HPSE2: variants seen among roughly 807,000 people sequenced by gnomAD.
HPSE2 encodes heparanase 2 (inactive), also known as inactive heparanase-2.
Under a neutral mutation model 60.5 loss-of-function variants are expected in HPSE2, and 38 were observed. The observed-to-expected ratio is 0.63, with a 90% CI of 0.48 to 0.82. The LOEUF is 0.82. Ranked by LOEUF, HPSE2 falls within the 40% of genes least tolerant of loss-of-function variation. HPSE2 has a pLI of 0.00. For synonymous variants in HPSE2, 295 were observed against 293.2 expected (o/e 1.01, Z -0.06); for missense variants, 713 against 740.4 (o/e 0.96, Z 0.43).
In HPSE2 at chr10:99,086,648, G is replaced by A. The variant is rs186245244; in HGVS notation, c.610+57590C>T. Among the ~76,000 whole-genome samples, 8 of 152,070 alleles carry A rather than the reference G, an allele frequency of 5.3e-5. No homozygotes were observed. In the East Asian group the frequency reaches 1.4e-3, roughly 26 times the overall value. ...ATTACAGGCGTGAGCCACCGCGCCC[G>A]GCCGGAAAAGTACTTTCATCTGAAG... On this transcript the variant is annotated intron_variant, in intron 3 of 11. Coordinates refer to ENST00000370552, the MANE Select transcript of HPSE2 (RefSeq NM_021828.5).
At chr10:98,906,522 T>C (rs1404411899) in intron 3 of HPSE2, among the ~76,000 whole-genome samples, 1 of 152,078 alleles carries the variant, frequency 6.6e-6, no homozygotes, top group Non-Finnish European at 1.5e-5. Flanking sequence ...AATATTTATT[T>C]TAGAGACAAA....
At chr10:99,052,453 G>T (rs1397257079) in intron 3 of HPSE2, among the ~76,000 whole-genome samples, 1 of 151,372 alleles carries the variant, frequency 6.6e-6, no homozygotes, top group Non-Finnish European at 1.5e-5. Context: ...GGCCATATGT[G>T]TAATTAGAAT....
At chr10:98,970,065 G>A (rs1236771581) in intron 3 of HPSE2, among the ~76,000 whole-genome samples, 1 of 151,760 alleles carries the variant, frequency 6.6e-6, no homozygotes, top group Non-Finnish European at 1.5e-5. Flanking sequence ...AGGTTCAAGC[G>A]ATTCTCCTGC....
chr10:98,870,034 A>G (rs1027505876), intron 3 of HPSE2, among the ~76,000 whole-genome samples: 3 of 152,170 alleles, frequency 2.0e-5, no homozygotes, highest in Non-Finnish European at 4.4e-5. Flanking sequence ...GGATTTAGAA[A>G]AATATAGTGC....
At chr10:98,603,634 T>C (rs1945496708) in intron 9 of HPSE2, among the ~76,000 whole-genome samples, 1 of 152,032 alleles carries the variant, frequency 6.6e-6, no homozygotes, top group African/African-American at 2.4e-5. Flanking sequence ...TTCACCATGT[T>C]GGGCAGGATG....
At chr10:99,017,680 T>C (rs974451346) in intron 3 of HPSE2, among the ~76,000 whole-genome samples, 6 of 152,168 alleles carry the variant, frequency 3.9e-5, no homozygotes, top group African/African-American at 1.4e-4. Flanking sequence ...TGATAGCCTA[T>C]TTATTACTAC....
At chr10:99,046,046 T>G in intron 3 of HPSE2, among the ~76,000 whole-genome samples, 1 of 151,906 alleles carries the variant, frequency 6.6e-6, no homozygotes, top group Non-Finnish European at 1.5e-5. Context: ...AAATAAAAGT[T>G]TAGGCCAATA....
At chr10:98,623,958 G>A (rs1331815784) in intron 7 of HPSE2, among the ~76,000 whole-genome samples, 1 of 152,118 alleles carries the variant, frequency 6.6e-6, no homozygotes, top group Non-Finnish European at 1.5e-5. Flanking sequence ...ATTGCCTAGG[G>A]AGAATATATA....
chr10:99,009,567 C>A (rs1271635171), intron 3 of HPSE2, among the ~76,000 whole-genome samples: 2 of 152,188 alleles, frequency 1.3e-5, no homozygotes, highest in Non-Finnish European at 2.9e-5. Flanking sequence ...GAAAAGGCAG[C>A]CAGTTTCTTG....
At chr10:99,067,450 G>A (rs189177527) in intron 3 of HPSE2, among the ~76,000 whole-genome samples, 19 of 152,290 alleles carry the variant, frequency 1.2e-4, no homozygotes, top group Non-Finnish European at 1.8e-4. Flanking sequence ...GGACATCCAG[G>A]CCTTTCCATA....
chr10:98,574,055 C>T (rs897636494), intron 9 of HPSE2, among the ~76,000 whole-genome samples: 1 of 152,112 alleles, frequency 6.6e-6, no homozygotes, highest in African/African-American at 2.4e-5. Context: ...CCCCTTACCC[C>T]ACCCCTCACG....
intron 6 of HPSE2, among the ~76,000 whole-genome samples, chr10:98,668,006 G>T (rs1310017544): frequency 2.0e-5 from 3 of 152,066 alleles, no homozygotes; most frequent in African/African-American, 7.2e-5. Context: ...CTTTGCTGAT[G>T]ATATAATTTT....
chr10:99,151,376 T>C (rs1330993629), intron 2 of HPSE2, among the ~76,000 whole-genome samples: 1 of 151,820 alleles, frequency 6.6e-6, no homozygotes, highest in Non-Finnish European at 1.5e-5. Flanking sequence ...CAATCAAACA[T>C]ATGCATAACG....
At chr10:99,206,145 A>G (rs1308384024) in intron 2 of HPSE2, among the ~76,000 whole-genome samples, 1 of 152,254 alleles carries the variant, frequency 6.6e-6, no homozygotes, top group Non-Finnish European at 1.5e-5. Flanking sequence ...CATAAAGATC[A>G]TTATGAAAAC....
chr10:99,046,923 T>C (rs1352840772), intron 3 of HPSE2, among the ~76,000 whole-genome samples: 2 of 152,094 alleles, frequency 1.3e-5, no homozygotes, highest in African/African-American at 2.4e-5. Flanking sequence ...GCTATACCTA[T>C]CAAACTACCA....
intron 3 of HPSE2, among the ~76,000 whole-genome samples, chr10:98,762,028 C>T (rs958668153): frequency 3.7e-4 from 55 of 147,164 alleles, no homozygotes; most frequent in African/African-American, 1.3e-3. Context: ...CTTCTCCTCT[C>T]CTTTCCTTCC....
intron 3 of HPSE2, among the ~76,000 whole-genome samples, chr10:99,085,121 A>T (rs2135582978): frequency 6.6e-6 from 1 of 152,348 alleles, no homozygotes; most frequent in South Asian, 2.1e-4. Context: ...GTGCATCTAG[A>T]GTGAGATGCT....
chr10:99,142,167 T>C (rs1404101916), intron 3 of HPSE2, among the ~76,000 whole-genome samples: 3 of 152,172 alleles, frequency 2.0e-5, no homozygotes, highest in Non-Finnish European at 4.4e-5. Flanking sequence ...GTCACTTCAT[T>C]TGAGAGGTCC....
chr10:98,550,531 C>T (rs377668296), intron 9 of HPSE2, among the ~76,000 whole-genome samples: 33 of 150,638 alleles, frequency 2.2e-4, no homozygotes, highest in African/African-American at 6.4e-4. Flanking sequence ...TGCAGTGGCA[C>T]GATCTCAGCT....
Sources: gnomAD v4.1 joint callset for allele counts (sites outside exome capture counted in the v4.1 genomes callset) on GRCh38, gnomAD v4.1.1 for gene constraint, MANE v1.5 for transcripts, NCBI Gene and HGNC (gene_info 2026-07-23, HGNC 2026-07-21) for gene names.